The following DLGAP2 variants were observed in gnomAD, a reference collection of about 807,000 sequenced individuals.
DLGAP2 encodes the protein DLG associated protein 2.
Under a neutral mutation model 100.3 loss-of-function variants are expected in DLGAP2, and 26 were observed. The observed-to-expected ratio is 0.26, with a 90% CI of 0.19 to 0.36. The LOEUF (loss-of-function observed/expected upper bound fraction) is 0.36. Ranked by LOEUF, DLGAP2 falls within the 10% of genes least tolerant of loss-of-function variation. The pLI, the probability that DLGAP2 is intolerant of heterozygous loss-of-function variation, is 1.00. For synonymous variants in DLGAP2, 886 were observed against 630.1 expected, an observed-to-expected ratio of 1.41 and a Z score of -6.08; for missense variants, 1,858 against 1,453.2, an observed-to-expected ratio of 1.28 and a Z score of -4.53.
chr8:744,781 T>C (rs573808963), intron 1 of DLGAP2, among the ~76,000 whole-genome samples: 4 of 152,258 alleles, frequency 2.6e-5, no homozygotes, highest in Non-Finnish European at 5.9e-5. Flanking sequence ...TCACCCACAC[T>C]GGACGGTGCT....
chr8:1,434,859 C>T (rs1160314128), intron 3 of DLGAP2, among the ~76,000 whole-genome samples: 1 of 152,158 alleles, frequency 6.6e-6, no homozygotes, highest in Non-Finnish European at 1.5e-5. Flanking sequence ...TTCATCCTTC[C>T]TCCCCTCCCT....
intron 1 of DLGAP2, among the ~76,000 whole-genome samples, chr8:748,896 A>G (rs1820719515): frequency 2.0e-5 from 3 of 152,188 alleles, no homozygotes; most frequent in Admixed American, 2.0e-4. Context: ...AACTTTTATT[A>G]TATTTGTTAC....
At chr8:1,100,841 A>C (rs1302684124) in intron 2 of DLGAP2, among the ~76,000 whole-genome samples, 1 of 152,222 alleles carries the variant, frequency 6.6e-6, no homozygotes, top group Non-Finnish European at 1.5e-5. Flanking sequence ...ATTCAATTTC[A>C]TACAGATGAT....
intron 6 of DLGAP2, among the ~76,000 whole-genome samples, chr8:1,585,659 C>G (rs185277399): frequency 5.3e-5 from 8 of 152,156 alleles, no homozygotes; most frequent in South Asian, 2.1e-4. Context: ...GGGAGACATC[C>G]CTAGAGATGC....
chr8:1,429,276 T>C (rs969647126), intron 3 of DLGAP2, among the ~76,000 whole-genome samples: 18 of 152,226 alleles, frequency 1.2e-4, no homozygotes, highest in African/African-American at 3.9e-4. Flanking sequence ...AGGGCTCTCG[T>C]TTCATTTCAC....
chr8:1,669,866 C>G (rs1798646635), intron 10 of DLGAP2, 82 bp downstream of exon 10: 1 of 772,278 alleles, frequency 1.3e-6, no homozygotes, highest in Admixed American at 1.7e-5. Flanking sequence ...TGCGACCGCT[C>G]TTGTCGCCTC....
chr8:1,363,970 G>C (rs1417787734), intron 3 of DLGAP2, among the ~76,000 whole-genome samples: 1 of 152,162 alleles, frequency 6.6e-6, no homozygotes, highest in Non-Finnish European at 1.5e-5. Flanking sequence ...TAGGAGTCAG[G>C]ATGCCTCCCC....
At chr8:771,026 CT>C (rs1248533139) in intron 1 of DLGAP2, among the ~76,000 whole-genome samples, 1 of 152,134 alleles carries the variant, frequency 6.6e-6, no homozygotes, top group East Asian at 1.9e-4. Context: ...TGTGAGTGTC[CT>C]ATTCTCCAGA....
At chr8:1,192,324 G>A (rs996319609) in intron 2 of DLGAP2, among the ~76,000 whole-genome samples, 14 of 152,214 alleles carry the variant, frequency 9.2e-5, no homozygotes, top group African/African-American at 3.4e-4. Flanking sequence ...TATTTATGGT[G>A]TAGAATATGA....
At chr8:1,132,348 G>T (rs1247880023) in intron 2 of DLGAP2, among the ~76,000 whole-genome samples, 1 of 152,130 alleles carries the variant, frequency 6.6e-6, no homozygotes, top group Non-Finnish European at 1.5e-5. Flanking sequence ...CCTGGAGATG[G>T]GTTAGTGAGG....
intron 3 of DLGAP2, among the ~76,000 whole-genome samples, chr8:1,458,000 ATATATATAT>A (rs1798366017): frequency 7.5e-6 from 1 of 133,768 alleles, no homozygotes; most frequent in East Asian, 2.0e-4. Flanking sequence ...ATATATATAT[ATATATATAT>A]ATATAATTTT....
At chr8:1,601,647 A>G (rs1295947129) in intron 6 of DLGAP2, among the ~76,000 whole-genome samples, 1 of 152,146 alleles carries the variant, frequency 6.6e-6, no homozygotes, top group Non-Finnish European at 1.5e-5. Flanking sequence ...TGTTTGTCAC[A>G]TTGAAAGTAA....
chr8:1,452,164 A>C (rs948491852), intron 3 of DLGAP2, among the ~76,000 whole-genome samples: 2 of 152,204 alleles, frequency 1.3e-5, no homozygotes, highest in South Asian at 4.1e-4. Context: ...AGTTTGAGGC[A>C]TAGCCCCGTG....
intron 2 of DLGAP2, among the ~76,000 whole-genome samples, chr8:1,067,957 T>A (rs1319283416): frequency 6.6e-6 from 1 of 151,966 alleles, no homozygotes; most frequent in Non-Finnish European, 1.5e-5. Context: ...CTCCGCCCAC[T>A]CCTCCCTCCC....
At chr8:914,175 G>A (rs370720118) in intron 2 of DLGAP2, among the ~76,000 whole-genome samples, 1 of 152,214 alleles carries the variant, frequency 6.6e-6, no homozygotes, top group African/African-American at 2.4e-5. Context: ...TCCATACGAT[G>A]TGATTCACGC....
intron 2 of DLGAP2, among the ~76,000 whole-genome samples, chr8:1,164,867 C>G (rs910373190): frequency 5.3e-5 from 8 of 152,150 alleles, no homozygotes; most frequent in African/African-American, 1.4e-4. Flanking sequence ...CAGCTCCAGT[C>G]TCTCTGTGGT....
At chr8:1,135,244 A>G (rs1174773676) in intron 2 of DLGAP2, among the ~76,000 whole-genome samples, 1 of 152,112 alleles carries the variant, frequency 6.6e-6, no homozygotes, top group African/African-American at 2.4e-5. Flanking sequence ...AATACATGTC[A>G]GTTAGTATTT....
chr8:1,019,464 A>C (rs1801566249), intron 2 of DLGAP2: 1 of 151,660 alleles, frequency 6.6e-6, no homozygotes, highest in South Asian at 2.1e-4. Context: ...ATTTTCACCG[A>C]GAATCGCACA....
chr8:1,151,904 C>T lies in DLGAP2; in HGVS notation c.74-106947C>T, dbSNP rs117798891. On this transcript the variant is annotated intron_variant, in intron 2 of 14. Coordinates refer to ENST00000637795, the MANE Select transcript of DLGAP2 (RefSeq NM_001346810.2). ...ATTAAGGGTCCAATACCATAAACAG[C>T]GAAGCGTCCTGATATGTAAAGGCTG... Among the ~76,000 whole-genome samples, 515 of 152,314 alleles carry T rather than the reference C, an allele frequency of 3.4e-3. 1 individual carries two copies. Among genetic ancestry groups the T allele is most frequent in the Non-Finnish European group, 5.7e-3 (389 of 68,036 alleles).
Sources: allele counts gnomAD v4.1 joint callset (sites outside exome capture counted in the v4.1 genomes callset), GRCh38; gene constraint gnomAD v4.1.1; transcripts MANE v1.5; gene names NCBI Gene and HGNC (gene_info 2026-07-23, HGNC 2026-07-21).